CDH13: variants seen among roughly 807,000 people sequenced by gnomAD.
CDH13 encodes the protein cadherin-13.
Under a neutral mutation model 63.8 loss-of-function variants are expected in CDH13, and 24 were observed. The observed-to-expected ratio is 0.38, with a 90% CI of 0.27 to 0.53. The LOEUF (loss-of-function observed/expected upper bound fraction) is 0.53. Ranked by LOEUF, CDH13 falls within the 20% of genes least tolerant of loss-of-function variation. The pLI, the probability that CDH13 is intolerant of heterozygous loss-of-function variation, is 0.85. For missense variants in CDH13, 1,049 were observed against 903.1 expected (o/e 1.16, Z -2.07); for synonymous variants, 503 against 355.3 (o/e 1.42, Z -4.67).
chr16:82,827,159 T>C (rs562385909), intron 1 of CDH13, among the ~76,000 whole-genome samples: 5 of 152,352 alleles, frequency 3.3e-5, no homozygotes, highest in South Asian at 4.1e-4. Flanking sequence ...ATACTGTTAA[T>C]ATAGTAAAAT....
intron 3 of CDH13, among the ~76,000 whole-genome samples, chr16:83,056,327 G>A (rs2030926030): frequency 6.6e-6 from 1 of 152,064 alleles, no homozygotes; most frequent in Non-Finnish European, 1.5e-5. Flanking sequence ...GTATACACAT[G>A]TACACTAAAG....
At chr16:83,403,946 G>C (rs1324986992) in intron 6 of CDH13, among the ~76,000 whole-genome samples, 1 of 152,216 alleles carries the variant, frequency 6.6e-6, no homozygotes, top group Non-Finnish European at 1.5e-5. Context: ...ACAGCCAAAT[G>C]TTTGCACCTA....
intron 9 of CDH13, 62 bp downstream of exon 9, chr16:83,671,034 C>A (rs1438137963): frequency 4.4e-6 from 6 of 1,374,068 alleles, no homozygotes; most frequent in African/African-American, 4.4e-5. Flanking sequence ...CATGAGGCAG[C>A]TCATAGAATC....
intron 5 of CDH13, among the ~76,000 whole-genome samples, chr16:83,249,672 G>A (rs1240332591): frequency 6.6e-6 from 1 of 152,294 alleles, no homozygotes; most frequent in Admixed American, 6.5e-5. Flanking sequence ...AAACCTGGCT[G>A]GGGGTATTTT....
intron 7 of CDH13, among the ~76,000 whole-genome samples, chr16:83,491,497 A>G (rs1345373927): frequency 6.6e-6 from 1 of 151,782 alleles, no homozygotes; most frequent in Non-Finnish European, 1.5e-5. Flanking sequence ...ACTGAAATTC[A>G]TCTGCTGGAA....
At chr16:82,938,151 C>T (rs949680253) in intron 2 of CDH13, among the ~76,000 whole-genome samples, 5 of 152,154 alleles carry the variant, frequency 3.3e-5, no homozygotes, top group African/African-American at 1.2e-4. Flanking sequence ...ATCTTAAGAG[C>T]CTTTACTGAA....
At chr16:82,734,575 C>A (rs142000242) in intron 1 of CDH13, among the ~76,000 whole-genome samples, 9 of 152,144 alleles carry the variant, frequency 5.9e-5, no homozygotes, top group African/African-American at 1.9e-4. Context: ...CATCCACTGT[C>A]TTAGGTTGAA....
intron 3 of CDH13, among the ~76,000 whole-genome samples, chr16:83,070,719 T>C (rs2032368376): frequency 6.6e-6 from 1 of 152,094 alleles, no homozygotes; most frequent in African/African-American, 2.4e-5. Flanking sequence ...GAACTATTTA[T>C]CTGTGAGGGA....
At chr16:82,847,658 C>T (rs535712705) in intron 1 of CDH13, among the ~76,000 whole-genome samples, 2 of 152,322 alleles carry the variant, frequency 1.3e-5, no homozygotes, top group Non-Finnish European at 2.9e-5. Flanking sequence ...AACATATTCA[C>T]AGGTCCTGGG....
At chr16:83,027,592 G>T (rs1915934917) in intron 2 of CDH13, among the ~76,000 whole-genome samples, 1 of 152,182 alleles carries the variant, frequency 6.6e-6, no homozygotes, top group Non-Finnish European at 1.5e-5. Flanking sequence ...TGAGTGCTAA[G>T]TATTGTTTTG....
Position 83,604,127 on chromosome 16 carries a change from C to T in CDH13, c.1101+1533C>T, listed in dbSNP as rs765928246. 6.6e-5 allele frequency among the ~76,000 whole-genome samples: 10 copies of T among 152,062 alleles called. 1 individual carries two copies. The highest frequency in any genetic ancestry group is 1.2e-4 in the Non-Finnish European group (8 of 68,018). ...TTTGGGTGGGGATGCAGAACCAAGCCACATCAGCCTCTTCACCTCGGCATC... is the reference window on the plus strand; with the variant it reads ...TTTGGGTGGGGATGCAGAACCAAGCTACATCAGCCTCTTCACCTCGGCATC... On this transcript the variant is annotated intron_variant, in intron 8 of 13. Transcript: ENST00000567109.
intron 7 of CDH13, among the ~76,000 whole-genome samples, chr16:83,565,528 T>C (rs1359450109): frequency 2.0e-5 from 3 of 152,034 alleles, no homozygotes; most frequent in African/African-American, 7.3e-5. Context: ...TGTTCTCTGC[T>C]TGGATGAATT....
intron 2 of CDH13, among the ~76,000 whole-genome samples, chr16:82,981,209 T>C (rs973881109): frequency 6.6e-6 from 1 of 152,204 alleles, no homozygotes; most frequent in African/African-American, 2.4e-5. Flanking sequence ...CCACTTTCCG[T>C]TTCACCAGCA....
intron 8 of CDH13, among the ~76,000 whole-genome samples, chr16:83,667,609 A>G (rs1029552380): frequency 6.6e-6 from 1 of 152,156 alleles, no homozygotes; most frequent in African/African-American, 2.4e-5. Context: ...CGAAAGAAAT[A>G]AAAAGAACTT....
chr16:82,661,446 C>A (rs1423190706), intron 1 of CDH13, among the ~76,000 whole-genome samples: 2 of 152,186 alleles, frequency 1.3e-5, no homozygotes, highest in African/African-American at 4.8e-5. Context: ...ATTGTGAGTG[C>A]TGAGTAAAGA....
chr16:83,785,823 C>T (rs982133960), intron 13 of CDH13, among the ~76,000 whole-genome samples: 1 of 152,144 alleles, frequency 6.6e-6, no homozygotes, highest in African/African-American at 2.4e-5. Flanking sequence ...ATTTTAAAGC[C>T]TCACCAGGTG....
At chr16:82,978,501 T>C (rs984386410) in intron 2 of CDH13, among the ~76,000 whole-genome samples, 2 of 152,190 alleles carry the variant, frequency 1.3e-5, no homozygotes, top group Non-Finnish European at 2.9e-5. Flanking sequence ...TTGTGCAGCA[T>C]GGGAACTTGG....
chr16:82,894,475 C>T (rs569444638), intron 2 of CDH13, among the ~76,000 whole-genome samples: 1 of 152,188 alleles, frequency 6.6e-6, no homozygotes, highest in East Asian at 1.9e-4. Context: ...AACGTCATCT[C>T]TACTAATAAT....
intron 4 of CDH13, among the ~76,000 whole-genome samples, chr16:83,172,994 A>G (rs1012266620): frequency 1.3e-5 from 2 of 152,086 alleles, no homozygotes; most frequent in African/African-American, 4.8e-5. Flanking sequence ...CGTGTCCGAA[A>G]TTGCATGCGT....
Sources: gnomAD v4.1 joint callset for allele counts (sites outside exome capture counted in the v4.1 genomes callset) on GRCh38, gnomAD v4.1.1 for gene constraint, MANE v1.5 for transcripts, NCBI Gene and HGNC (gene_info 2026-07-23, HGNC 2026-07-21) for gene names.